Variants in DLGAP1 observed in about 807,000 individuals in gnomAD.
DLGAP1 encodes the protein DLG associated protein 1, also known as disks large-associated protein 1.
Under a neutral mutation model 90.8 loss-of-function variants are expected in DLGAP1, and 11 were observed. That is an observed-to-expected ratio of 0.12 (90% CI 0.08 to 0.20). The LOEUF (loss-of-function observed/expected upper bound fraction) is 0.20, where lower values mean the gene tolerates loss of function less well. Among genes scored for constraint, DLGAP1 ranks in the 10% least tolerant of loss-of-function variants. The pLI, the probability that DLGAP1 is intolerant of heterozygous loss-of-function variation, is 1.00. For missense variants in DLGAP1, 1,050 were observed against 1,333.8 expected (o/e 0.79, Z 3.31); for synonymous variants, 558 against 540.7 (o/e 1.03, Z -0.44).
chr18:3,597,276 G>GA (rs781502116), intron 7 of DLGAP1: 6 of 492,342 alleles, frequency 1.2e-5, no homozygotes, highest in Admixed American at 4.8e-5. Flanking sequence ...GGAATAAAAG[G>GA]AAAAATCTGG....
chr18:4,110,035 TACAC>T (rs2075945456), intron 2 of DLGAP1, among the ~76,000 whole-genome samples: 4 of 131,926 alleles, frequency 3.0e-5, no homozygotes, highest in African/African-American at 1.2e-4. Context: ...GATACACAGA[TACAC>T]AGTCATGCAT....
At chr18:4,314,505 A>G (rs2080477901) in intron 1 of DLGAP1, among the ~76,000 whole-genome samples, 1 of 152,228 alleles carries the variant, frequency 6.6e-6, no homozygotes, top group Non-Finnish European at 1.5e-5. Flanking sequence ...GAGGGTTTCT[A>G]CAACGGTAAT....
At chr18:4,434,627 C>T (rs2083360968) in intron 1 of DLGAP1, among the ~76,000 whole-genome samples, 1 of 152,120 alleles carries the variant, frequency 6.6e-6, no homozygotes, top group African/African-American at 2.4e-5. Flanking sequence ...CTCTGCTGGT[C>T]CTGCAAGAGG....
intron 1 of DLGAP1, among the ~76,000 whole-genome samples, chr18:4,303,211 A>C (rs1258426065): frequency 6.6e-6 from 1 of 152,222 alleles, no homozygotes; most frequent in African/African-American, 2.4e-5. Flanking sequence ...TCTGGAAAAG[A>C]ATGTGTGGCT....
At chr18:4,080,680 A>G (rs190620216) in intron 2 of DLGAP1, among the ~76,000 whole-genome samples, 1 of 151,872 alleles carries the variant, frequency 6.6e-6, no homozygotes, top group African/African-American at 2.4e-5. Context: ...ATAGAACAAG[A>G]CCCCCTTTGC....
intron 2 of DLGAP1, among the ~76,000 whole-genome samples, chr18:4,099,623 C>T (rs568696961): frequency 1.3e-5 from 2 of 151,668 alleles, no homozygotes; most frequent in African/African-American, 2.4e-5. Context: ...GGTTTTACCT[C>T]AATGTTGGTG....
At chr18:4,182,192 G>A (rs1290775758) in intron 1 of DLGAP1, among the ~76,000 whole-genome samples, 1 of 152,144 alleles carries the variant, frequency 6.6e-6, no homozygotes, top group Non-Finnish European at 1.5e-5. Flanking sequence ...ACACCCAAAT[G>A]TGCCTCTTTG....
chr18:4,170,080 T>C (rs2076997588), intron 1 of DLGAP1, among the ~76,000 whole-genome samples: 1 of 152,316 alleles, frequency 6.6e-6, no homozygotes, highest in Middle Eastern at 3.4e-3. Flanking sequence ...GTTTCCACGA[T>C]GATGGAAGGT....
At chr18:3,672,201 G>GACACAC (rs3223621) in intron 7 of DLGAP1, among the ~76,000 whole-genome samples, 5,462 of 143,536 alleles carry the variant, frequency 0.038, 186 homozygotes, top group East Asian at 0.16. Flanking sequence ...CTGCTGATTA[G>GACACAC]ACACACACAC....
chr18:3,741,017 T>TCACCACCAC (rs1304279132), intron 6 of DLGAP1, among the ~76,000 whole-genome samples: 17 of 36,218 alleles, frequency 4.7e-4, no homozygotes, highest in East Asian at 3.3e-3. Context: ...ACCACCACCA[T>TCACCACCAC]CACCACCACC....
chr18:3,812,112 G>T (rs1222391681), intron 5 of DLGAP1, among the ~76,000 whole-genome samples: 2 of 152,228 alleles, frequency 1.3e-5, no homozygotes, highest in South Asian at 2.1e-4. Flanking sequence ...TGACTTTCTT[G>T]CCCATTGCAA....
chr18:3,845,374 T>C, intron 4 of DLGAP1: 1 of 1,499,622 alleles, frequency 6.7e-7, no homozygotes, highest in Non-Finnish European at 9.0e-7. Context: ...AGTGAGGCAG[T>C]AAACACAGGA....
At chr18:3,622,932 G>A (rs1036375209) in intron 7 of DLGAP1, among the ~76,000 whole-genome samples, 24 of 152,118 alleles carry the variant, frequency 1.6e-4, no homozygotes, top group African/African-American at 4.8e-4. Context: ...AGCCTCCCCA[G>A]TAGATGGGAC....
Position 3,940,265 on chromosome 18 carries a change from T to C in DLGAP1, c.-72-60125A>G, listed in dbSNP as rs2072739780. On this transcript the variant is annotated intron_variant, in intron 3 of 12. Transcript: ENST00000315677. ...CAAATGCTCTAGCCCCAGTCAAGTT[T>C]ACAGATGAGTCCTGCCCACATCTTT... Among the ~76,000 whole-genome samples the C allele has an allele frequency of 2.6e-5, 4 of 152,286 alleles. No individual in the cohort carries two copies. In the South Asian group the frequency reaches 6.2e-4, roughly 24 times the overall value.
intron 3 of DLGAP1, among the ~76,000 whole-genome samples, chr18:3,990,198 G>T (rs2149048868): frequency 6.6e-6 from 1 of 152,224 alleles, no homozygotes; most frequent in Non-Finnish European, 1.5e-5. Context: ...GTTTATTGCG[G>T]CACTATTCAC....
rs60740209 is a variant in DLGAP1 at position 3,540,469 on chromosome 18, C to CAAAAAAAAAAA, written c.2058-5865_2058-5855dup. On this transcript the variant is annotated intron_variant, in intron 9 of 12. Coordinates refer to ENST00000315677, the MANE Select transcript of DLGAP1 (RefSeq NM_004746.4). Reference sequence around the variant, plus strand: ...TGGGCAACAGAGTGAGGCCCTGTGTCAAAAAAAAAAAAAAAAAAAAAAAAA... The same window carrying CAAAAAAAAAAA: ...TGGGCAACAGAGTGAGGCCCTGTGTCAAAAAAAAAAAAAAAAAAAAAAAAAAAAAAAAAAAA... Among the ~76,000 whole-genome samples the CAAAAAAAAAAA allele has an allele frequency of 1.2e-3, 70 of 58,018 alleles. 1 individual carries two copies. The highest frequency in any genetic ancestry group is 3.2e-3 in the African/African-American group (47 of 14,810). The allele number at this position is 58,018 out of a possible 152,430, so 38.1% of individuals were successfully genotyped here. A position where few individuals can be genotyped will look rare whatever the true frequency, so the allele number is the denominator to read the frequency against.
At chr18:3,625,269 A>G (rs1328443287) in intron 7 of DLGAP1, among the ~76,000 whole-genome samples, 1 of 152,192 alleles carries the variant, frequency 6.6e-6, no homozygotes, top group Non-Finnish European at 1.5e-5. Flanking sequence ...TAGGTGGCCA[A>G]GATCTCTGTG....
chr18:4,107,916 T>G (rs961423910), intron 2 of DLGAP1, among the ~76,000 whole-genome samples: 2 of 152,206 alleles, frequency 1.3e-5, no homozygotes, highest in Non-Finnish European at 2.9e-5. Flanking sequence ...TTTTGTTTAT[T>G]TACTCTAAGA....
intron 5 of DLGAP1, among the ~76,000 whole-genome samples, chr18:3,764,095 T>A (rs914350423): frequency 6.6e-6 from 1 of 152,238 alleles, no homozygotes; most frequent in Admixed American, 6.5e-5. Flanking sequence ...CCTATGCATT[T>A]AAGTGCTTTA....
Sources: allele counts gnomAD v4.1 joint callset (sites outside exome capture counted in the v4.1 genomes callset), GRCh38; gene constraint gnomAD v4.1.1; transcripts MANE v1.5; gene names NCBI Gene and HGNC (gene_info 2026-07-23, HGNC 2026-07-21).